The following CSNK1G3 variants were observed in gnomAD, a reference collection of about 807,000 sequenced individuals.
CSNK1G3 encodes casein kinase 1 gamma 3.
Under a neutral mutation model 64.3 loss-of-function variants are expected in CSNK1G3, and 23 were observed. The ratio of observed to expected loss-of-function variants is 0.36; its 90% CI spans 0.26 to 0.51. The LOEUF (loss-of-function observed/expected upper bound fraction) is 0.51, where lower values mean the gene tolerates loss of function less well. CSNK1G3 is among the 20% of genes least tolerant of loss of function. CSNK1G3 has a pLI of 0.96. For missense variants in CSNK1G3, 357 were observed against 510.5 expected (o/e 0.70, Z 2.90); for synonymous variants, 158 against 162.2 (o/e 0.97, Z 0.20).
At chr5:123,550,919 C>A (rs1462381691) in intron 2 of CSNK1G3, among the ~76,000 whole-genome samples, 1 of 152,130 alleles carries the variant, frequency 6.6e-6, no homozygotes, top group Non-Finnish European at 1.5e-5. Flanking sequence ...ATTGTGACTT[C>A]AAGTTTCAGC....
At chr5:123,557,684 T>C in intron 4 of CSNK1G3, 120 bp downstream of exon 4, 1 of 625,388 alleles carries the variant, frequency 1.6e-6, no homozygotes, top group Admixed American at 3.6e-5. Context: ...ATGTTTACTA[T>C]ACGTTTTCTT....
At chr5:123,546,612 A>G (rs1160144377) in intron 2 of CSNK1G3, among the ~76,000 whole-genome samples, 1 of 152,120 alleles carries the variant, frequency 6.6e-6, no homozygotes, top group African/African-American at 2.4e-5. Flanking sequence ...GTTGTATAGA[A>G]GTCAGTATTC....
intron 12 of CSNK1G3, among the ~76,000 whole-genome samples, chr5:123,606,795 C>A (rs1205283045): frequency 6.6e-6 from 1 of 152,122 alleles, no homozygotes; most frequent in African/African-American, 2.4e-5. Context: ...TACATTTATC[C>A]ATTTATTCAT....
intron 4 of CSNK1G3, among the ~76,000 whole-genome samples, chr5:123,563,256 T>C (rs892570781): frequency 2.0e-5 from 3 of 152,104 alleles, no homozygotes; most frequent in Non-Finnish European, 4.4e-5. Context: ...ACCATTCATA[T>C]GTTAAATCAT....
chr5:123,587,551 T>G (rs1201355142), intron 6 of CSNK1G3, among the ~76,000 whole-genome samples: 1 of 152,244 alleles, frequency 6.6e-6, no homozygotes, highest in Admixed American at 6.5e-5. Context: ...TGTTGGTATG[T>G]GTCAAACACA....
At chr5:123,590,650 AGTT>A (rs1792169059) in intron 9 of CSNK1G3, 92 bp downstream of exon 9, 1 of 812,632 alleles carries the variant, frequency 1.2e-6, no homozygotes, top group African/African-American at 1.8e-5. Context: ...GAGAACAAAT[AGTT>A]GTTTTAAAGG....
chr5:123,596,103 T>C (rs1793392280), intron 10 of CSNK1G3, among the ~76,000 whole-genome samples: 1 of 152,232 alleles, frequency 6.6e-6, no homozygotes, highest in South Asian at 2.1e-4. Flanking sequence ...ATTTGAGTTC[T>C]AAAAATTAAA....
chr5:123,583,960 T>C (rs2150883488), intron 6 of CSNK1G3, among the ~76,000 whole-genome samples: 1 of 152,282 alleles, frequency 6.6e-6, no homozygotes, highest in Admixed American at 6.5e-5. Context: ...CCAAAAGTGC[T>C]GAGATTACAG....
At chr5:123,575,221 T>C (rs542268227) in intron 5 of CSNK1G3, among the ~76,000 whole-genome samples, 1 of 152,282 alleles carries the variant, frequency 6.6e-6, no homozygotes, top group South Asian at 2.1e-4. Context: ...GTTTAATACC[T>C]AGGAAAAAGT....
exon 4 of CSNK1G3, chr5:123,557,529 T>G: frequency 6.2e-7 from 1 of 1,607,736 alleles, no homozygotes; most frequent in Non-Finnish European, 8.5e-7. Flanking sequence ...CAGCTACATT[T>G]GGAATACAGA....
intron 4 of CSNK1G3, among the ~76,000 whole-genome samples, chr5:123,559,193 G>C (rs567977509): frequency 6.6e-6 from 1 of 152,014 alleles, no homozygotes; most frequent in Non-Finnish European, 1.5e-5. Context: ...GAGAATGGGG[G>C]AGGTGATTGC....
chr5:123,608,316 T>TA (rs1383181579), intron 12 of CSNK1G3, among the ~76,000 whole-genome samples: 1 of 152,160 alleles, frequency 6.6e-6, no homozygotes, highest in African/African-American at 2.4e-5. Context: ...TTGGGGTAAA[T>TA]ACTTGATTTC....
intron 6 of CSNK1G3, among the ~76,000 whole-genome samples, 160 bp from the exon 7 acceptor site, chr5:123,587,908 A>G (rs1176077896): frequency 6.6e-6 from 1 of 152,178 alleles, no homozygotes; most frequent in Non-Finnish European, 1.5e-5. Flanking sequence ...CATTATTTAT[A>G]TAGATATAAT....
At chr5:123,568,120 C>T (rs916939238) in intron 4 of CSNK1G3, among the ~76,000 whole-genome samples, 18 of 152,066 alleles carry the variant, frequency 1.2e-4, no homozygotes, top group East Asian at 5.8e-4. Context: ...AATGTGCGGT[C>T]GGTGTTGTGG....
intron 1 of CSNK1G3, among the ~76,000 whole-genome samples, chr5:123,516,797 CT>C (rs545748833): frequency 1.3e-5 from 2 of 152,112 alleles, no homozygotes; most frequent in South Asian, 4.1e-4. Flanking sequence ...TCATGATACT[CT>C]TTTTCTTAAA....
chr5:123,587,855 T>C (rs1042066481), intron 6 of CSNK1G3, among the ~76,000 whole-genome samples: 14 of 152,180 alleles, frequency 9.2e-5, no homozygotes, highest in Admixed American at 7.9e-4. Context: ...CTAAAAATTA[T>C]AATGGAATAT....
intron 10 of CSNK1G3, among the ~76,000 whole-genome samples, chr5:123,594,335 TC>T (rs1042159557): frequency 7.9e-5 from 12 of 152,286 alleles, no homozygotes; most frequent in African/African-American, 2.6e-4. Context: ...TCTAAAAACA[TC>T]AAGAATTTTC....
At chr5:123,562,136 G>A (rs1785865022) in intron 4 of CSNK1G3, among the ~76,000 whole-genome samples, 1 of 151,932 alleles carries the variant, frequency 6.6e-6, no homozygotes, top group East Asian at 1.9e-4. Flanking sequence ...TTTCACGTCT[G>A]TATTCTTTCT....
intron 4 of CSNK1G3, among the ~76,000 whole-genome samples, chr5:123,558,539 A>G (rs1785060462): frequency 6.6e-6 from 1 of 152,160 alleles, no homozygotes; most frequent in South Asian, 2.1e-4. Flanking sequence ...TTTACATTCT[A>G]GTGGGTAGAG....
Sources: allele counts gnomAD v4.1 joint callset (sites outside exome capture counted in the v4.1 genomes callset), GRCh38; gene constraint gnomAD v4.1.1; transcripts MANE v1.5; gene names NCBI Gene and HGNC (gene_info 2026-07-23, HGNC 2026-07-21).